Variants in SLC9A6 observed in about 807,000 individuals in gnomAD.
SLC9A6 encodes sodium/hydrogen exchanger 6.
SLC9A6 carries 6 observed loss-of-function variants against 45.3 expected under a neutral mutation model. The observed-to-expected ratio is 0.13, with a 90% CI of 0.07 to 0.26. The LOEUF is 0.26. SLC9A6 is among the 10% of genes least tolerant of loss of function. SLC9A6 has a pLI of 1.00. For missense variants in SLC9A6, 278 were observed against 503.7 expected, an observed-to-expected ratio of 0.55 and a Z score of 4.29; for synonymous variants, 191 against 187.7, an observed-to-expected ratio of 1.02 and a Z score of -0.14.
intron 7 of SLC9A6, among the ~76,000 whole-genome samples, chrX:136,005,884 C>T (rs1461732127): frequency 1.8e-5 from 2 of 111,575 alleles, no homozygotes; most frequent in African/African-American, 6.5e-5. Flanking sequence ...AATACGTTAA[C>T]TCATTACAAC....
chrX:136,016,725 T>A lies in SLC9A6; in HGVS notation c.1161T>A (p.His387Gln). The A allele has an allele frequency of 8.5e-7, 1 of 1,172,932 alleles. No individual in the cohort carries two copies. Among genetic ancestry groups the A allele is most frequent in the Non-Finnish European group, 1.2e-6 (1 of 861,037 alleles). ...MGLTLFTFQN[H>Q]VFNPTFVVGA... ...TGACACTGTTCACCTTCCAGAACCATGTCTTTAACCCAACATTTGTAGTAG... is the reference window on the plus strand; with the variant it reads ...TGACACTGTTCACCTTCCAGAACCAAGTCTTTAACCCAACATTTGTAGTAG... Residue 387 changes from histidine (H) to glutamine (Q), a missense_variant, in exon 11 of 18, where the codon CAT becomes CAA. Physicochemically the swap from His to Gln is conservative, Grantham distance 24. This residue lies in a region of SLC9A6 where 41 missense variants were observed against 51.8 expected (regional missense o/e 0.79). Coordinates refer to ENST00000630721, the MANE Select transcript of SLC9A6 (RefSeq NM_001379110.1).
intron 11 of SLC9A6, among the ~76,000 whole-genome samples, chrX:136,021,326 A>G (rs893311792): frequency 1.8e-5 from 2 of 111,538 alleles, no homozygotes; most frequent in Non-Finnish European, 3.8e-5. Flanking sequence ...AACAGTAAGA[A>G]ACCTTGTTGT....
At chrX:135,994,250 G>A (rs1447109873) in intron 2 of SLC9A6, among the ~76,000 whole-genome samples, 3 of 109,004 alleles carry the variant, frequency 2.8e-5, no homozygotes, top group African/African-American at 6.7e-5. Context: ...GATTACAGGC[G>A]CCCGCCACCA....
At chrX:135,974,839 G>A (rs2089252955) in intron 1 of SLC9A6, 2 of 286,035 alleles carry the variant, frequency 7.0e-6, no homozygotes, top group Admixed American at 4.1e-5. Context: ...GTGTTTTGTC[G>A]TGAAAAGAAC....
intron 3 of SLC9A6, among the ~76,000 whole-genome samples, chrX:135,997,398 CTTTTTTTTTTT>C (rs1180028983): frequency 7.1e-4 from 45 of 63,303 alleles, no homozygotes; most frequent in African/African-American, 2.3e-3. Context: ...CATGCTTTCT[CTTTTTTTTTTT>C]TTTTTTTTTT....
chrX:135,990,671 G>C (rs1190074265), intron 2 of SLC9A6, among the ~76,000 whole-genome samples: 2 of 111,122 alleles, frequency 1.8e-5, no homozygotes, highest in Non-Finnish European at 3.8e-5. Context: ...GCATAGGGTT[G>C]GGCAAACAGT....
intron 17 of SLC9A6, among the ~76,000 whole-genome samples, chrX:136,041,488 C>T (rs1289030281): frequency 9.0e-6 from 1 of 111,693 alleles, no homozygotes; most frequent in East Asian, 2.8e-4. Context: ...GGGGCACACA[C>T]CCCATGTTGC....
intron 2 of SLC9A6, among the ~76,000 whole-genome samples, chrX:135,991,576 C>T (rs782208806): frequency 9.0e-6 from 1 of 110,804 alleles, no homozygotes; most frequent in South Asian, 3.8e-4. Flanking sequence ...GCTCTTATAC[C>T]TCCTCATTTC....
At position 136,024,408 on chromosome X, in the gene SLC9A6, C is replaced by T. The variant is rs1229345478; in HGVS notation, c.1385C>T (p.Thr462Met). 5.0e-6 allele frequency: 6 copies of T among 1,207,762 alleles called. No individual in the cohort carries two copies. The highest frequency in any genetic ancestry group is 6.7e-6 in the Non-Finnish European group (6 of 893,691). ...TYARQMMFSTTLLIVFFTVWV... is the reference protein window; with the variant it reads ...TYARQMMFSTMLLIVFFTVWV... ...GCACGGCAAATGATGTTCAGCACCA[C>T]GCTTCTGATTGTGTTTTTTACCGTG... Residue 462 changes from threonine (T) to methionine (M), a missense_variant, in exon 13 of 18, where the codon ACG becomes ATG. Around this residue, in one of 5 missense-constraint regions of SLC9A6, gnomAD observed 15 missense variants for 58.1 expected, o/e 0.26. Coordinates refer to ENST00000630721, the MANE Select transcript of SLC9A6 (RefSeq NM_001379110.1).
At chrX:135,974,082 G>C (rs1556613009), upstream of SLC9A6, 3 of 144,792 alleles carry the variant, frequency 2.1e-5, no homozygotes, top group Non-Finnish European at 3.5e-5. Context: ...GGGGCGAGGG[G>C]CGGGGTAGGC....
At chrX:135,974,666 C>T (rs1310984905) in exon 1 of SLC9A6, 4 of 339,550 alleles carry the variant, frequency 1.2e-5, no homozygotes, top group East Asian at 2.0e-4. Context: ...TCCCTGGAAA[C>T]TGGCACTGCA....
chrX:136,007,958 A>G (rs190005790), intron 7 of SLC9A6, among the ~76,000 whole-genome samples: 164 of 111,577 alleles, frequency 1.5e-3, no homozygotes, highest in African/African-American at 5.1e-3. Flanking sequence ...AGATATTATC[A>G]TATTTCCCTC....
chrX:136,012,114 G>C (rs943376429), intron 8 of SLC9A6, among the ~76,000 whole-genome samples: 2 of 112,621 alleles, frequency 1.8e-5, no homozygotes, highest in Non-Finnish European at 3.8e-5. Flanking sequence ...AAACAAAAAA[G>C]TTTCCAGCTC....
At chrX:135,988,925 A>G (rs1315917970) in intron 2 of SLC9A6, among the ~76,000 whole-genome samples, 1 of 110,946 alleles carries the variant, frequency 9.0e-6, no homozygotes, top group African/African-American at 3.3e-5. Flanking sequence ...CTGGTCAGAA[A>G]TGGAAGTTTT....
chrX:135,977,557 A>G (rs1207252403), intron 1 of SLC9A6, among the ~76,000 whole-genome samples: 3 of 112,188 alleles, frequency 2.7e-5, no homozygotes, highest in Admixed American at 9.5e-5. Context: ...TGACTATTAT[A>G]GATATTTATG....
chrX:136,038,726 G>T (rs781930101), intron 16 of SLC9A6, among the ~76,000 whole-genome samples: 43 of 104,452 alleles, frequency 4.1e-4, no homozygotes, highest in African/African-American at 1.3e-3. Context: ...GACTATCTAG[G>T]TTTTTTTTTC....
Position 136,019,667 on chromosome X carries a change from G to A in SLC9A6, c.1194+2909G>A, listed in dbSNP as rs1240250142. ...ACAGAAAAATTGTGAAGATAATACAGAAAGTTCTCATATGCCCCGCACTCA... is the reference window on the plus strand; with the variant it reads ...ACAGAAAAATTGTGAAGATAATACAAAAAGTTCTCATATGCCCCGCACTCA... On this transcript the variant is annotated intron_variant, in intron 11 of 17. Transcript: ENST00000630721. Among the ~76,000 whole-genome samples the A allele has an allele frequency of 3.6e-5, 4 of 112,555 alleles. No homozygotes were observed. In the East Asian group the frequency reaches 1.1e-3, roughly 31 times the overall value.
chrX:136,047,236 T>C lies in SLC9A6; in HGVS notation c.*2512T>C, dbSNP rs369326635. The stretch of plus-strand genomic sequence containing the variant: ...GTGGAAAAGGGGAAGACTAATGTTT[T>C]CAAATAAACAAACAGAAACCTAACA... On this transcript the variant is annotated 3_prime_UTR_variant, in exon 18 of 18. Transcript: ENST00000630721. The C allele has an allele frequency of 2.7e-5, 3 of 112,628 alleles. No homozygotes were observed. Among genetic ancestry groups the C allele is most frequent in the East Asian group, 5.6e-4 (2 of 3,578 alleles). The allele number at this position is 112,628 out of a possible 1,213,427, so 9.3% of individuals were successfully genotyped here.
At chrX:136,028,796 C>G (rs2071270944) in intron 13 of SLC9A6, 90 bp from the exon 14 acceptor site, 2 of 278,500 alleles carry the variant, frequency 7.2e-6, no homozygotes, top group African/African-American at 5.6e-5. Context: ...TGGGATGCTA[C>G]TGCTACAGCT....
Sources: gnomAD v4.1 joint callset for allele counts (sites outside exome capture counted in the v4.1 genomes callset) on GRCh38, gnomAD v4.1.1 for gene constraint, gnomAD v4.1.1 regional missense constraint, MANE v1.5 for transcripts, NCBI Gene and HGNC (gene_info 2026-07-23, HGNC 2026-07-21) for gene names.